NMT2: variants seen among roughly 807,000 people sequenced by gnomAD.
The protein encoded by NMT2 is glycylpeptide N-tetradecanoyltransferase 2.
Under a neutral mutation model 65.4 loss-of-function variants are expected in NMT2, and 35 were observed. The observed-to-expected ratio is 0.54, with a 90% confidence interval of 0.41 to 0.71. The LOEUF is 0.71. NMT2 is among the 30% of genes least tolerant of loss of function. The pLI is 0.00. For missense variants in NMT2, 489 were observed against 611.3 expected (o/e 0.80, Z 2.11); for synonymous variants, 226 against 231.8 (o/e 0.98, Z 0.23).
rs767736327 is a variant in NMT2, at chr10:15,155,211, G to A, written c.110+13292C>T. ...AAATCCTTTCTCTCCAGTGCTCAGA[G>A]CACGAAAGTTTTCTGTCTTTGGAAA... On this transcript the variant is annotated intron_variant, in intron 1 of 11. Transcript: ENST00000378165. 1.8e-5 allele frequency: 28 copies of A among 1,532,734 alleles called. No individual in the cohort carries two copies. In the South Asian group the frequency reaches 2.1e-4, roughly 12 times the overall value. The allele number at this position is 1,532,734 out of a possible 1,614,324, so 94.9% of individuals were successfully genotyped here. A position where few individuals can be genotyped will look rare whatever the true frequency, so the allele number is the denominator to read the frequency against.
chr10:15,121,729 T>G (rs2131508785), intron 8 of NMT2, among the ~76,000 whole-genome samples: 1 of 152,298 alleles, frequency 6.6e-6, no homozygotes, highest in Admixed American at 6.5e-5. Context: ...CTGGGGTTTC[T>G]AAGCTTCAGT....
At chr10:15,132,164 G>A (rs769822444) in intron 6 of NMT2, among the ~76,000 whole-genome samples, 1 of 152,140 alleles carries the variant, frequency 6.6e-6, no homozygotes, top group African/African-American at 2.4e-5. Context: ...ACTGTGCCTG[G>A]CCAAGGCTTC....
intron 1 of NMT2, among the ~76,000 whole-genome samples, chr10:15,167,657 G>C (rs1001233428): frequency 5.3e-5 from 8 of 152,236 alleles, no homozygotes; most frequent in African/African-American, 1.7e-4. Context: ...TCTAAAAAGA[G>C]AGCATCAACA....
rs566709826 is a variant in NMT2 at position 15,135,390 on chromosome 10, T to C, written c.275A>G (p.Gln92Arg). 1 of 1,614,150 alleles carries C rather than the reference T, an allele frequency of 6.2e-7. No homozygotes were observed. The highest frequency in any genetic ancestry group is 1.1e-5 in the South Asian group (1 of 91,088). The change falls in exon 3 of 12, where the codon CAG (glutamine) becomes CGG (arginine). Residue 92 changes from glutamine (Q) to arginine (R), a missense_variant. Coordinates refer to ENST00000378165, the MANE Select transcript of NMT2 (RefSeq NM_004808.3). ...KNPSVPMQKLQDIQRAMELLS... is the reference protein window; with the variant it reads ...KNPSVPMQKLRDIQRAMELLS... ...CAGCTCCATTGCTCTCTGGATATCC[T>C]GCAACTTCTGCATTGGAACACTGGG...
chr10:15,152,643 C>T lies in NMT2; in HGVS notation c.111-11086G>A, dbSNP rs184217086. Among the ~76,000 whole-genome samples, 45 of 152,340 alleles carry T rather than the reference C, an allele frequency of 3.0e-4. 1 individual carries two copies. The highest frequency in any genetic ancestry group is 1.0e-3 in the African/African-American group (42 of 41,588). ...CCTGAGGATGGGGCCAGGCCCAGGACAAAGTATGTACTTGTCAAATCATGA... is the reference window on the plus strand; with the variant it reads ...CCTGAGGATGGGGCCAGGCCCAGGATAAAGTATGTACTTGTCAAATCATGA... On this transcript the variant is annotated intron_variant, in intron 1 of 11. Transcript: ENST00000378165.
intron 1 of NMT2, among the ~76,000 whole-genome samples, chr10:15,166,745 T>C (rs945432856): frequency 6.6e-6 from 1 of 152,216 alleles, no homozygotes; most frequent in Non-Finnish European, 1.5e-5. Context: ...AATGTGCTGA[T>C]ATACAAAACT....
At position 15,105,914 on chromosome 10, in the gene NMT2, T is replaced by C. The variant is rs745220; in HGVS notation, c.*3281A>G. On this transcript the variant is annotated 3_prime_UTR_variant, in exon 12 of 12. Coordinates refer to ENST00000378165, the MANE Select transcript of NMT2 (RefSeq NM_004808.3). ...TGGTTAATAATTTGATAACAAATTATGTAAATGACTCTTTAAAGGAGCAGT... is the reference window on the plus strand; with the variant it reads ...TGGTTAATAATTTGATAACAAATTACGTAAATGACTCTTTAAAGGAGCAGT... The C allele has an allele frequency of 8.3e-3, 2,179 of 262,130 alleles. 56 individuals are homozygous for C. The highest frequency in any genetic ancestry group is 0.048 in the African/African-American group (2,048 of 42,378). 16.2% of individuals were successfully genotyped at this position (262,130 alleles called of 1,614,324 possible).
At chr10:15,139,686 GCAGT>G (rs1476852015) in intron 2 of NMT2, 2 of 151,460 alleles carry the variant, frequency 1.3e-5, no homozygotes, top group African/African-American at 4.8e-5. Flanking sequence ...TTCTCACCCT[GCAGT>G]CAGTCAGGGA....
At chr10:15,115,897 T>C (rs1845727791) in intron 9 of NMT2, among the ~76,000 whole-genome samples, 1 of 152,148 alleles carries the variant, frequency 6.6e-6, no homozygotes, top group African/African-American at 2.4e-5. Flanking sequence ...GACCCTAATA[T>C]ACATGTGAGT....
At chr10:15,142,024 A>AG (rs1471052655) in intron 1 of NMT2, among the ~76,000 whole-genome samples, 6 of 152,298 alleles carry the variant, frequency 3.9e-5, no homozygotes, top group African/African-American at 1.4e-4. Flanking sequence ...GATTTTTACT[A>AG]GGGGGGCTAA....
At chr10:15,116,346 C>T (rs972821986) in intron 9 of NMT2, among the ~76,000 whole-genome samples, 1 of 152,080 alleles carries the variant, frequency 6.6e-6, no homozygotes, top group African/African-American at 2.4e-5. Context: ...AAAGAGGAAG[C>T]CTCAAACGAA....
intron 9 of NMT2, among the ~76,000 whole-genome samples, chr10:15,113,486 A>AAAAAAAAAAAAAAAAAAAAAAAAG (rs1564558939): frequency 1.3e-5 from 2 of 148,824 alleles, no homozygotes; most frequent in African/African-American, 5.0e-5. Context: ...AAAAAAAAAA[A>AAAAAAAAAAAAAAAAAAAAAAAAG]AAAGAAAGAA....
At chr10:15,127,566 AAAAAT>A (rs1564568391) in intron 8 of NMT2, among the ~76,000 whole-genome samples, 1 of 88,198 alleles carries the variant, frequency 1.1e-5, no homozygotes, top group African/African-American at 1.6e-4. Flanking sequence ...AAAAAAAAAA[AAAAAT>A]AAATAAATAA....
chr10:15,109,088 C>T lies in NMT2; in HGVS notation c.*107G>A. 6.5e-7 allele frequency: 1 copy of T among 1,548,726 alleles called. No homozygotes were observed. The highest frequency in any genetic ancestry group is 8.6e-7 in the Non-Finnish European group (1 of 1,156,548). ...CATCTTTTCTGATTATCGACTACTT[C>T]AATTTCACTTGAGTTGTGCTTTTAT... On this transcript the variant is annotated 3_prime_UTR_variant, in exon 12 of 12. Coordinates refer to ENST00000378165, the MANE Select transcript of NMT2 (RefSeq NM_004808.3).
At chr10:15,149,072 CCAT>C (rs900323898) in intron 1 of NMT2, among the ~76,000 whole-genome samples, 9 of 152,090 alleles carry the variant, frequency 5.9e-5, no homozygotes, top group Middle Eastern at 3.4e-3. Context: ...ACCACCACCA[CCAT>C]CATCACCATC....
chr10:15,135,211 T>G, intron 3 of NMT2, 63 bp downstream of exon 3: 1 of 1,405,432 alleles, frequency 7.1e-7, no homozygotes, highest in Non-Finnish European at 1.0e-6. Context: ...GTTGTTGTTG[T>G]TGTTGTTGTT....
intron 1 of NMT2, among the ~76,000 whole-genome samples, chr10:15,163,255 A>C (rs1285988743): frequency 1.3e-5 from 2 of 152,238 alleles, no homozygotes; most frequent in East Asian, 3.8e-4. Context: ...AAACGTCATT[A>C]ACATGTTTTC....
At chr10:15,164,436 T>C (rs954875569) in intron 1 of NMT2, among the ~76,000 whole-genome samples, 1 of 152,158 alleles carries the variant, frequency 6.6e-6, no homozygotes, top group Non-Finnish European at 1.5e-5. Flanking sequence ...GGGGACAGAT[T>C]TGGTTTTGTT....
intron 1 of NMT2, among the ~76,000 whole-genome samples, chr10:15,149,383 T>C (rs376141832): frequency 0.052 from 10 of 194 alleles, no homozygotes; most frequent in Admixed American, 0.075. Context: ...TCACCACCAT[T>C]GCCACTACCA....
Sources: gnomAD v4.1 joint callset for allele counts (sites outside exome capture counted in the v4.1 genomes callset) on GRCh38, gnomAD v4.1.1 for gene constraint, MANE v1.5 for transcripts, NCBI Gene and HGNC (gene_info 2026-07-23, HGNC 2026-07-21) for gene names.